MLIP: variants seen among roughly 807,000 people sequenced by gnomAD.
MLIP encodes the protein muscular LMNA interacting protein.
Under a neutral mutation model 84.8 loss-of-function variants are expected in MLIP, and 79 were observed. That is an observed-to-expected ratio of 0.93 (90% CI 0.78 to 1.12). MLIP has a LOEUF of 1.12. Ranked by LOEUF, MLIP falls within the 50% of genes most tolerant of loss-of-function variation. MLIP has a pLI of 0.00. For missense variants in MLIP, 1,257 were observed against 1,160.6 expected (o/e 1.08, Z -1.21); for synonymous variants, 504 against 463.0 (o/e 1.09, Z -1.14).
At chr6:54,109,565 T>TC (rs1769267330), upstream of MLIP, among the ~76,000 whole-genome samples, 2 of 151,970 alleles carry the variant, frequency 1.3e-5, no homozygotes, top group Non-Finnish European at 2.9e-5. Context: ...CCCTCTCTCT[T>TC]TGCTTGAAAT....
chr6:54,056,771 G>A (rs1437562207), intron 1 of MLIP, among the ~76,000 whole-genome samples: 1 of 151,952 alleles, frequency 6.6e-6, no homozygotes, highest in Admixed American at 6.6e-5. Context: ...TGAAGAAGAA[G>A]GTTTAAAAAG....
At chr6:54,208,265 G>T (rs1358519299) in intron 11 of MLIP, among the ~76,000 whole-genome samples, 1 of 152,116 alleles carries the variant, frequency 6.6e-6, no homozygotes, top group Non-Finnish European at 1.5e-5. Flanking sequence ...CAAAATAAAT[G>T]TTATTCTGAG....
chr6:54,137,607 A>G lies in MLIP; in HGVS notation c.1538A>G (p.Gln513Arg). 6.5e-7 allele frequency: 1 copy of G among 1,536,076 alleles called. No homozygotes were observed. The highest frequency in any genetic ancestry group is 8.7e-7 in the Non-Finnish European group (1 of 1,146,882). Residue 513 changes from glutamine to arginine, a missense_variant, in exon 4 of 14, where the codon CAG becomes CGG. Gln to Arg is a conservative substitution (Grantham distance 43). Transcript: ENST00000502396. The part of the protein sequence containing the change: ...SQAPSLSPTK[Q>R]ASSSLASMNV... Reference sequence around the variant, plus strand: ...GCGCCCTCCCTCTCTCCTACAAAACAGGCTAGTAGCAGCCTTGCTTCCATG... The same window carrying G: ...GCGCCCTCCCTCTCTCCTACAAAACGGGCTAGTAGCAGCCTTGCTTCCATG...
intron 11 of MLIP, chr6:54,216,744 A>G: frequency 2.0e-6 from 2 of 985,436 alleles, no homozygotes; most frequent in East Asian, 1.1e-4. Flanking sequence ...AAAAATGCAT[A>G]TGGATTCTCC....
intron 5 of MLIP, among the ~76,000 whole-genome samples, chr6:54,158,939 G>A (rs1425934322): frequency 6.6e-6 from 1 of 152,056 alleles, no homozygotes; most frequent in East Asian, 1.9e-4. Flanking sequence ...TAGAGACAGT[G>A]TCTTACTCTG....
At chr6:54,111,397 G>T (rs74791049), upstream of MLIP, 2 of 1,507,722 alleles carry the variant, frequency 1.3e-6, no homozygotes, top group East Asian at 2.5e-5. Context: ...TTCTTTCTGC[G>T]TGAGTGTGTG....
At chr6:54,217,836 T>C in intron 11 of MLIP, 6 of 985,238 alleles carry the variant, frequency 6.1e-6, no homozygotes, top group Non-Finnish European at 7.2e-6. Flanking sequence ...CATTAAAAGA[T>C]TCATATATTG....
intron 9 of MLIP, among the ~76,000 whole-genome samples, chr6:54,186,406 G>A (rs1415436515): frequency 1.3e-5 from 2 of 152,136 alleles, no homozygotes; most frequent in Non-Finnish European, 1.5e-5. Flanking sequence ...AGAAATGCTC[G>A]ATAAAACATA....
At chr6:54,029,123 C>T (rs1405247590) in intron 1 of MLIP, 1 of 152,166 alleles carries the variant, frequency 6.6e-6, no homozygotes, top group African/African-American at 2.4e-5. Context: ...ATTTTAAAAG[C>T]TTGCTCTCAA....
intron 1 of MLIP, among the ~76,000 whole-genome samples, chr6:54,023,470 A>C (rs961862158): frequency 4.6e-5 from 7 of 152,074 alleles, no homozygotes; most frequent in African/African-American, 1.7e-4. Flanking sequence ...AGAGCGAAAG[A>C]CTTATCCAAT....
chr6:54,222,103 G>A (rs1780260939), intron 11 of MLIP, among the ~76,000 whole-genome samples: 1 of 151,752 alleles, frequency 6.6e-6, no homozygotes, highest in Non-Finnish European at 1.5e-5. Context: ...ATATATTTTA[G>A]GTAAAAAACT....
Position 54,137,572 on chromosome 6 carries a change from G to T in MLIP, c.1503G>T (p.Pro501=), listed in dbSNP as rs570107272. The change falls in exon 4 of 14, where the codon CCG becomes CCT. Residue 501 remains proline, a synonymous_variant. Transcript: ENST00000502396. ...FHLPVFTKST[P]LSQAPSLSPT... Reference sequence around the variant, plus strand: ...TGCCTGTTTTCACCAAGTCTACTCCGCTTTCTCAGGCGCCCTCCCTCTCTC... The same window carrying T: ...TGCCTGTTTTCACCAAGTCTACTCCTCTTTCTCAGGCGCCCTCCCTCTCTC... 5 of 1,535,966 alleles carry T rather than the reference G, an allele frequency of 3.3e-6. No individual in the cohort carries two copies. The East Asian group carries it at 7.3e-5, about 23-fold the overall frequency.
At chr6:54,024,839 T>C (rs569513127) in intron 1 of MLIP, among the ~76,000 whole-genome samples, 56 of 151,938 alleles carry the variant, frequency 3.7e-4, no homozygotes, top group Admixed American at 8.5e-4. Context: ...TGATTATTAT[T>C]ATTATTATTA....
At chr6:54,141,049 G>T (rs1403114595) in intron 4 of MLIP, among the ~76,000 whole-genome samples, 2 of 152,050 alleles carry the variant, frequency 1.3e-5, no homozygotes, top group Non-Finnish European at 2.9e-5. Flanking sequence ...TGAGTGCTTG[G>T]AGGATATTAG....
upstream of MLIP, among the ~76,000 whole-genome samples, chr6:54,106,636 C>T (rs1378963882): frequency 6.6e-6 from 1 of 152,160 alleles, no homozygotes; most frequent in Non-Finnish European, 1.5e-5. Context: ...AATATGAACT[C>T]ATTATTTTTA....
intron 12 of MLIP, among the ~76,000 whole-genome samples, chr6:54,246,065 T>A (rs1050870594): frequency 1.3e-5 from 2 of 152,162 alleles, no homozygotes; most frequent in African/African-American, 4.8e-5. Flanking sequence ...ATAATGATAC[T>A]CATTCGCCTT....
At chr6:54,248,089 A>G (rs1424922934) in intron 12 of MLIP, among the ~76,000 whole-genome samples, 1 of 152,100 alleles carries the variant, frequency 6.6e-6, no homozygotes, top group Non-Finnish European at 1.5e-5. Flanking sequence ...ACTCGGGAAT[A>G]TTAATACACA....
At chr6:54,259,606 A>G (rs1783249732) in intron 13 of MLIP, among the ~76,000 whole-genome samples, 1 of 151,876 alleles carries the variant, frequency 6.6e-6, no homozygotes, top group Non-Finnish European at 1.5e-5. Context: ...CTGGAGACAA[A>G]ACTTAAAATT....
chr6:54,121,119 C>A (rs1171617631), intron 1 of MLIP, among the ~76,000 whole-genome samples: 1 of 152,104 alleles, frequency 6.6e-6, no homozygotes, highest in African/African-American at 2.4e-5. Flanking sequence ...TGAAACAGAA[C>A]AGATGATGAG....
Sources: gnomAD v4.1 joint callset for allele counts (sites outside exome capture counted in the v4.1 genomes callset) on GRCh38, gnomAD v4.1.1 for gene constraint, MANE v1.5 for transcripts, NCBI Gene and HGNC (gene_info 2026-07-23, HGNC 2026-07-21) for gene names.